The following F9 variants were observed in gnomAD, a reference collection of about 807,000 sequenced individuals.
F9 encodes coagulation factor IX.
Under a neutral mutation model 34.1 loss-of-function variants are expected in F9, and 2 were observed. The observed-to-expected ratio is 0.06, with a 90% confidence interval of 0.02 to 0.18. The LOEUF is 0.18. F9 is among the 10% of genes least tolerant of loss of function. The pLI is 1.00. For missense variants in F9, 216 were observed against 345.1 expected (o/e 0.63, Z 2.96); for synonymous variants, 137 against 118.8 (o/e 1.15, Z -1.00).
chrX:139,545,502 T>C (rs1704491573), intron 4 of F9, among the ~76,000 whole-genome samples: 2 of 111,912 alleles, frequency 1.8e-5, no homozygotes, highest in Admixed American at 9.5e-5. Context: ...ATTAAACTAA[T>C]CTATTAATAA....
intron 7 of F9, among the ~76,000 whole-genome samples, 165 bp downstream of exon 7, chrX:139,561,020 A>G (rs893529913): frequency 9.0e-6 from 1 of 111,576 alleles, no homozygotes; most frequent in African/African-American, 3.3e-5. Context: ...CCAAGCATCC[A>G]TAGTTCTTTT....
intron 6 of F9, among the ~76,000 whole-genome samples, chrX:139,555,344 G>A (rs1019049521): frequency 1.8e-5 from 2 of 112,358 alleles, no homozygotes; most frequent in African/African-American, 6.5e-5. Flanking sequence ...CACGTATCCC[G>A]TCTGCGGTCA....
At chrX:139,549,574 G>C (rs1927794608) in intron 5 of F9, among the ~76,000 whole-genome samples, 1 of 112,573 alleles carries the variant, frequency 8.9e-6, no homozygotes, top group South Asian at 3.7e-4. Context: ...GAAATAAAGG[G>C]ATGAGTCTGG....
chrX:139,551,083 T>C lies in F9; in HGVS notation c.542T>C (p.Val181Ala), dbSNP rs1362667217. 5 of 1,209,517 alleles carry C rather than the reference T, an allele frequency of 4.1e-6. No homozygotes were observed. The highest frequency in any genetic ancestry group is 5.6e-6 in the Non-Finnish European group (5 of 894,756). ...CTAGTGCCATTTCCATGTGGAAGAG[T>C]TTCTGTTTCACAAACTTCTAAGCTC... ...EPAVPFPCGRVSVSQTSKLTR... is the reference protein window; with the variant it reads ...EPAVPFPCGRASVSQTSKLTR... The change falls in exon 6 of 8, where the codon GTT becomes GCT. Residue 181 changes from valine (V) to alanine (A), a missense_variant. Physicochemically the swap from Val to Ala is moderately conservative, Grantham distance 64. Around this residue, in one of 2 missense-constraint regions of F9, gnomAD observed 177 missense variants for 311.8 expected, o/e 0.57. Coordinates refer to ENST00000218099, the MANE Select transcript of F9 (RefSeq NM_000133.4).
chrX:139,537,874 G>A (rs908599002), intron 3 of F9, among the ~76,000 whole-genome samples: 1 of 110,662 alleles, frequency 9.0e-6, no homozygotes, highest in Non-Finnish European at 1.9e-5. Flanking sequence ...GTCACTTCTT[G>A]CACACTCTAG....
chrX:139,555,357 C>G (rs413957), intron 6 of F9, among the ~76,000 whole-genome samples: 26,198 of 111,683 alleles, frequency 0.23, 2,625 homozygotes, highest in African/African-American at 0.37. Context: ...TGCGGTCACG[C>G]TCATTTCTTA....
chrX:139,548,595 G>T, intron 5 of F9, 104 bp downstream of exon 5: 1 of 857,832 alleles, frequency 1.2e-6, no homozygotes, highest in South Asian at 2.7e-5. Context: ...GCTTCCTTTT[G>T]AAATCATAGA....
At chrX:139,531,511 A>G (rs919454526) in intron 1 of F9, among the ~76,000 whole-genome samples, 1 of 112,469 alleles carries the variant, frequency 8.9e-6, no homozygotes, top group Non-Finnish European at 1.9e-5. Context: ...GGGAAACACA[A>G]TACTCAGTTG....
At chrX:139,557,893 C>A (rs1260335802) in intron 6 of F9, among the ~76,000 whole-genome samples, 1 of 112,403 alleles carries the variant, frequency 8.9e-6, no homozygotes, top group Non-Finnish European at 1.9e-5. Flanking sequence ...CATGTGCTAC[C>A]TAGGGACTTG....
chrX:139,546,909 G>A (rs781590024), intron 4 of F9, among the ~76,000 whole-genome samples: 1 of 111,981 alleles, frequency 8.9e-6, no homozygotes, highest in South Asian at 3.7e-4. Context: ...CAATACCAAA[G>A]TGCCCAGCAG....
chrX:139,559,447 G>A (rs751611168), intron 6 of F9, among the ~76,000 whole-genome samples: 7 of 111,000 alleles, frequency 6.3e-5, no homozygotes, highest in Non-Finnish European at 1.3e-4. Flanking sequence ...CAGGAGAATT[G>A]CTTGAACCTG....
At chrX:139,533,516 G>T (rs1927390690) in intron 1 of F9, among the ~76,000 whole-genome samples, 1 of 112,336 alleles carries the variant, frequency 8.9e-6, no homozygotes, top group African/African-American at 3.2e-5. Flanking sequence ...CAGTTAGGGA[G>T]TTGGAAAGAT....
chrX:139,551,418 G>A (rs1927841093), intron 6 of F9, among the ~76,000 whole-genome samples, 154 bp downstream of exon 6: 1 of 111,257 alleles, frequency 9.0e-6, no homozygotes, highest in African/African-American at 3.3e-5. Flanking sequence ...GGCCTCCAGA[G>A]ATGAGCAGTT....
rs758078866 is a variant in F9, at chrX:139,530,774, G to A, written c.10G>A (p.Val4Met). 16 of 1,208,969 alleles carry A rather than the reference G, an allele frequency of 1.3e-5. No homozygotes were observed. The highest frequency in any genetic ancestry group is 2.2e-5 in the Admixed American group (1 of 45,771). Reference sequence around the variant, plus strand: ...TCTGCTAGCAAAGGTTATGCAGCGCGTGAACATGATCATGGCAGAATCACC... The same window carrying A: ...TCTGCTAGCAAAGGTTATGCAGCGCATGAACATGATCATGGCAGAATCACC... Reference protein sequence around the residue: MQRVNMIMAESPGL... With the variant: MQRMNMIMAESPGL... The change falls in exon 1 of 8, where the codon GTG becomes ATG. Residue 4 changes from valine to methionine, a missense_variant. By Grantham distance (21) the Val-to-Met change is conservative. Coordinates refer to ENST00000218099, the MANE Select transcript of F9 (RefSeq NM_000133.4).
At chrX:139,542,654 CAT>C (rs1927628278) in intron 4 of F9, among the ~76,000 whole-genome samples, 1 of 111,737 alleles carries the variant, frequency 8.9e-6, no homozygotes, top group South Asian at 3.7e-4. Flanking sequence ...TAATTGAAAA[CAT>C]AAATATCTTT....
intron 3 of F9, 30 bp from the exon 4 acceptor site, chrX:139,541,046 G>C: frequency 9.3e-7 from 1 of 1,080,295 alleles, no homozygotes; most frequent in Non-Finnish European, 1.3e-6. Context: ...CAGTTTACGT[G>C]CCAATTCAAT....
At chrX:139,552,032 A>G (rs942215928) in intron 6 of F9, among the ~76,000 whole-genome samples, 4 of 111,042 alleles carry the variant, frequency 3.6e-5, no homozygotes, top group Non-Finnish European at 7.6e-5. Flanking sequence ...TCTAATTAAA[A>G]AAAATACAAA....
chrX:139,545,143 T>C (rs1323959219), intron 4 of F9: 4 of 111,801 alleles, frequency 3.6e-5, no homozygotes, highest in Admixed American at 9.5e-5. Flanking sequence ...AGGTGGTGCA[T>C]AGGAGGTATC....
chrX:139,536,551 T>G (rs1927480878), intron 1 of F9, among the ~76,000 whole-genome samples: 1 of 111,466 alleles, frequency 9.0e-6, no homozygotes, highest in Non-Finnish European at 1.9e-5. Context: ...TGACAGACAC[T>G]GGGGTCACAT....
Sources: allele counts gnomAD v4.1 joint callset (sites outside exome capture counted in the v4.1 genomes callset), GRCh38; gene constraint gnomAD v4.1.1; regional missense constraint gnomAD v4.1.1; transcripts MANE v1.5; gene names NCBI Gene and HGNC (gene_info 2026-07-23, HGNC 2026-07-21).